ABCC12: variants seen among roughly 807,000 people sequenced by gnomAD.
ABCC12 encodes ATP-binding cassette sub-family C member 12.
In ABCC12, 142 loss-of-function variants were observed where a neutral mutation model predicts 151.1. That is an observed-to-expected ratio of 0.94 (90% CI 0.82 to 1.08). The LOEUF is 1.08. Among genes scored for constraint, ABCC12 ranks in the 50% least tolerant of loss-of-function variants. The probability of loss-of-function intolerance (pLI) is 0.00; values close to 1 mark genes in which losing one functional copy is unlikely to be tolerated. For missense variants in ABCC12, 1,638 were observed against 1,691.1 expected, an observed-to-expected ratio of 0.97 and a Z score of 0.55; for synonymous variants, 645 against 646.4, an observed-to-expected ratio of 1.00 and a Z score of 0.03.
intron 1 of ABCC12, among the ~76,000 whole-genome samples, chr16:48,154,587 C>T (rs929321686): frequency 3.9e-5 from 6 of 152,194 alleles, no homozygotes; most frequent in African/African-American, 1.4e-4. Flanking sequence ...CTGCTGTCTT[C>T]CTTATAGTGT....
chr16:48,110,959 C>T (rs1441682518), intron 18 of ABCC12, among the ~76,000 whole-genome samples: 1 of 152,134 alleles, frequency 6.6e-6, no homozygotes, highest in African/African-American at 2.4e-5. Flanking sequence ...GAATAATAAC[C>T]TTATCCCACC....
chr16:48,094,636 A>G (rs1303280759), intron 24 of ABCC12, among the ~76,000 whole-genome samples: 1 of 152,238 alleles, frequency 6.6e-6, no homozygotes, highest in Non-Finnish European at 1.5e-5. Flanking sequence ...ACACATGCAC[A>G]TGGACACACA....
rs66949388 is a variant in ABCC12, at chr16:48,098,090, G to GACACACAC, written c.3039-1196_3039-1189dup. Among the ~76,000 whole-genome samples the GACACACAC allele has an allele frequency of 3.0e-3, 361 of 121,964 alleles. 4 individuals carry two copies. Among genetic ancestry groups the GACACACAC allele is most frequent in the African/African-American group, 8.0e-3 (257 of 32,174 alleles). 80.0% of individuals were successfully genotyped at this position (121,964 alleles called of 152,430 possible). ...TCTCAATTGCAAGCCTGCCCCACCT[G>GACACACAC]ACACACACACACACACACACACACA... On this transcript the variant is annotated intron_variant, in intron 23 of 30. Transcript: ENST00000311303.
At chr16:48,123,750 C>T (rs1162665496) in intron 12 of ABCC12, among the ~76,000 whole-genome samples, 1 of 152,224 alleles carries the variant, frequency 6.6e-6, no homozygotes, top group East Asian at 1.9e-4. Context: ...CCCAAGTCCC[C>T]TCCCTCTTCC....
chr16:48,121,735 C>A lies in ABCC12; in HGVS notation c.1693G>T (p.Glu565Ter). ...GNVRENILFG[E>*]KYDHQRYQHT... Reference sequence around the variant, plus strand: ...TATTACCTTTGGTGATCATACTTTTCTCCAAAGAGTATGTTTTCTCTCACA... The same window carrying A: ...TATTACCTTTGGTGATCATACTTTTATCCAAAGAGTATGTTTTCTCTCACA... The change falls in exon 13 of 31, where the codon GAA (glutamate) becomes TAA (stop). Residue 565 changes from glutamate (E) to a stop codon, truncating the protein, a stop_gained. Coordinates refer to ENST00000311303, the MANE Select transcript of ABCC12 (RefSeq NM_001393797.1). LOFTEE classifies it high-confidence loss of function. 3.7e-6 allele frequency: 6 copies of A among 1,614,172 alleles called. No homozygotes were observed. Among genetic ancestry groups the A allele is most frequent in the Non-Finnish European group, 5.1e-6 (6 of 1,180,028 alleles).
chr16:48,115,126 G>A (rs2150624229), intron 15 of ABCC12, among the ~76,000 whole-genome samples: 1 of 152,242 alleles, frequency 6.6e-6, no homozygotes, highest in African/African-American at 2.4e-5. Context: ...CAGAACTTGG[G>A]GAAGGGTGCC....
At chr16:48,113,267 T>A (rs1052126292) in intron 15 of ABCC12, among the ~76,000 whole-genome samples, 5 of 152,174 alleles carry the variant, frequency 3.3e-5, no homozygotes, top group Non-Finnish European at 7.3e-5. Flanking sequence ...GCTCCAGCCC[T>A]CATGCCTCCC....
At chr16:48,131,405 T>C (rs1964421872) in intron 9 of ABCC12, among the ~76,000 whole-genome samples, 1 of 152,092 alleles carries the variant, frequency 6.6e-6, no homozygotes, top group African/African-American at 2.4e-5. Context: ...GTGACCTCAC[T>C]CTCCTGCTCC....
chr16:48,115,532 G>T lies in ABCC12; in HGVS notation c.1872C>A (p.Tyr624Ter). Residue 624 changes from tyrosine (Y) to a stop codon, truncating the protein, a stop_gained, in exon 15 of 31, where the codon TAC (tyrosine) becomes TAA (stop). Coordinates refer to ENST00000311303, the MANE Select transcript of ABCC12 (RefSeq NM_001393797.1). LOFTEE classifies it high-confidence loss of function. Reference protein sequence around the residue: ...ARAVYSDRQLYLLDDPLSAVD... With the variant: ...ARAVYSDRQL Reference sequence around the variant, plus strand: ...CGGCCGACAGGGGGTCGTCCAGCAGGTAGAGCTGACGGTCGGAGTAGACAG... The same window carrying T: ...CGGCCGACAGGGGGTCGTCCAGCAGTTAGAGCTGACGGTCGGAGTAGACAG... 1 of 1,614,204 alleles carries T rather than the reference G, an allele frequency of 6.2e-7. No homozygotes were observed. The highest frequency in any genetic ancestry group is 8.5e-7 in the Non-Finnish European group (1 of 1,180,032).
intron 9 of ABCC12, 120 bp from the exon 10 acceptor site, chr16:48,131,015 A>G (rs2150655710): frequency 1.5e-6 from 1 of 676,870 alleles, no homozygotes; most frequent in East Asian, 2.7e-5. Context: ...TGGAATGTGC[A>G]GAGGAACAAT....
At chr16:48,143,861 T>G in intron 4 of ABCC12, 49 bp downstream of exon 4, 1 of 1,575,070 alleles carries the variant, frequency 6.3e-7, no homozygotes, top group Non-Finnish European at 8.6e-7. Flanking sequence ...TATTTCCTCA[T>G]AGCAGTATGA....
intron 9 of ABCC12, 131 bp from the exon 10 acceptor site, chr16:48,131,026 C>A (rs533000834): frequency 4.4e-5 from 28 of 638,792 alleles, no homozygotes; most frequent in African/African-American, 3.3e-4. Context: ...GAGGAACAAT[C>A]TTTTCATTTC....
intron 3 of ABCC12, among the ~76,000 whole-genome samples, chr16:48,145,134 A>G (rs140647282): frequency 4.9e-4 from 75 of 152,268 alleles, no homozygotes; most frequent in African/African-American, 1.7e-3. Flanking sequence ...GGGGCTAGGA[A>G]TAATAGCCCA....
intron 6 of ABCC12, among the ~76,000 whole-genome samples, chr16:48,139,669 C>T (rs530923902): frequency 6.6e-6 from 1 of 152,278 alleles, no homozygotes; most frequent in East Asian, 1.9e-4. Context: ...CCGCTTCTTT[C>T]GGGAAGAGAT....
chr16:48,130,795 C>T lies in ABCC12; in HGVS notation c.1229G>A (p.Arg410Lys), dbSNP rs776363622. 1.9e-6 allele frequency: 3 copies of T among 1,609,880 alleles called. No homozygotes were observed. The highest frequency in any genetic ancestry group is 2.2e-5 in the South Asian group (2 of 90,978). Residue 410 changes from arginine to lysine, a missense_variant, in exon 10 of 31, where the codon AGA (arginine) becomes AAA (lysine). Physicochemically the swap from Arg to Lys is conservative, Grantham distance 26. Transcript: ENST00000311303. ...ACCCAGGGTTAGTTATACCTTCATT[C>T]TCCTTAGAGAGACATTCGCTTCAGC... The part of the protein sequence containing the change: ...AMAEANVSLR[R>K]MKKILIDKSP...
At chr16:48,102,826 C>G (rs1324866330) in intron 22 of ABCC12, among the ~76,000 whole-genome samples, 1 of 152,212 alleles carries the variant, frequency 6.6e-6, no homozygotes, top group African/African-American at 2.4e-5. Context: ...TCGCTCTCCA[C>G]CTTGAAATCA....
chr16:48,127,117 G>T (rs1174788864), intron 11 of ABCC12, among the ~76,000 whole-genome samples: 4 of 152,156 alleles, frequency 2.6e-5, no homozygotes, highest in Non-Finnish European at 5.9e-5. Flanking sequence ...AGACAGCTTT[G>T]TTAGCTATGA....
chr16:48,109,590 C>T (rs1299722409), intron 18 of ABCC12, among the ~76,000 whole-genome samples: 3 of 152,236 alleles, frequency 2.0e-5, no homozygotes, highest in Admixed American at 1.3e-4. Context: ...AGCTTTCACG[C>T]CTCAAAGGCA....
rs80329185 is a variant in ABCC12 at position 48,125,757 on chromosome 16, G to A, written c.1516-1473C>T. On this transcript the variant is annotated intron_variant, in intron 11 of 30. Transcript: ENST00000311303. ...TCCCACCCCAAGCTAGACCAGAAACGCCCATCCCCTGTCTGCCATTCTCAG... is the reference window on the plus strand; with the variant it reads ...TCCCACCCCAAGCTAGACCAGAAACACCCATCCCCTGTCTGCCATTCTCAG... 1.8e-4 allele frequency among the ~76,000 whole-genome samples: 28 copies of A among 152,262 alleles called. No homozygotes were observed. The East Asian group carries it at 4.8e-3, about 26-fold the overall frequency.
Sources: gnomAD v4.1 joint callset for allele counts (sites outside exome capture counted in the v4.1 genomes callset) on GRCh38, gnomAD v4.1.1 for gene constraint, MANE v1.5 for transcripts, NCBI Gene and HGNC (gene_info 2026-07-23, HGNC 2026-07-21) for gene names.